The following VPS8 variants were observed in gnomAD, a reference collection of about 807,000 sequenced individuals.
VPS8 encodes the protein VPS8 subunit of CORVET complex, also known as vacuolar protein sorting-associated protein 8 homolog.
Under a neutral mutation model 216.4 loss-of-function variants are expected in VPS8, and 129 were observed. The ratio of observed to expected loss-of-function variants is 0.60; its 90% CI spans 0.52 to 0.69. The LOEUF is 0.69. VPS8 is among the 30% of genes least tolerant of loss of function. The pLI is 0.00. For missense variants in VPS8, 1,531 were observed against 1,683.5 expected (o/e 0.91, Z 1.59); for synonymous variants, 571 against 565.4 (o/e 1.01, Z -0.14).
intron 45 of VPS8, among the ~76,000 whole-genome samples, chr3:185,023,139 C>A: frequency 6.6e-6 from 1 of 152,202 alleles, no homozygotes; most frequent in Admixed American, 6.5e-5. Flanking sequence ...TGTTCCCTGG[C>A]AACCACTGAT....
At chr3:184,940,270 TTATATA>T in intron 36 of VPS8, 27 bp downstream of exon 36, 5 of 578,718 alleles carry the variant, frequency 8.6e-6, no homozygotes, top group Non-Finnish European at 1.1e-5. Flanking sequence ...TAGTCTTTCA[TTATATA>T]TATATATATA....
chr3:184,983,197 A>G (rs1488908651), intron 42 of VPS8, 103 bp downstream of exon 42: 20 of 1,022,644 alleles, frequency 2.0e-5, no homozygotes, highest in Admixed American at 3.5e-5. Flanking sequence ...TCTCAAGCAT[A>G]ATGCAGCTAA....
intron 42 of VPS8, among the ~76,000 whole-genome samples, chr3:184,990,622 T>C (rs780614833): frequency 3.8e-4 from 58 of 152,188 alleles, no homozygotes; most frequent in Non-Finnish European, 7.1e-4. Context: ...TCAAATAATT[T>C]GTCTTAGTTT....
intron 3 of VPS8, among the ~76,000 whole-genome samples, chr3:184,827,118 G>C (rs1462745334): frequency 6.6e-6 from 1 of 152,194 alleles, no homozygotes; most frequent in East Asian, 1.9e-4. Context: ...AGACCCAAAA[G>C]TTCCCTGACA....
intron 14 of VPS8, among the ~76,000 whole-genome samples, chr3:184,859,680 A>G (rs955553992): frequency 6.6e-6 from 1 of 152,166 alleles, no homozygotes; most frequent in Non-Finnish European, 1.5e-5. Flanking sequence ...TACTTTAATT[A>G]TAGTCATTGA....
rs1225787531 is a variant in VPS8 at position 184,894,926 on chromosome 3, G to A, written c.2004+1G>A. ...TATCACCAGCCTAGATATTCAGCAGGTGAGTTTATAGACAGTCTACTAACT... is the reference window on the plus strand; with the variant it reads ...TATCACCAGCCTAGATATTCAGCAGATGAGTTTATAGACAGTCTACTAACT... On this transcript the variant is annotated splice_donor_variant, in intron 23 of 47. Coordinates refer to ENST00000625842, the MANE Select transcript of VPS8 (RefSeq NM_001009921.3). LOFTEE classifies it high-confidence loss of function. 3 of 1,597,568 alleles carry A rather than the reference G, an allele frequency of 1.9e-6. No individual in the cohort carries two copies. Among genetic ancestry groups the A allele is most frequent in the Admixed American group, 3.4e-5 (2 of 58,340 alleles).
chr3:184,850,924 G>A (rs1724134959), intron 10 of VPS8, among the ~76,000 whole-genome samples: 1 of 152,216 alleles, frequency 6.6e-6, no homozygotes. Flanking sequence ...AAAGTGGAGA[G>A]AATTTCTTCT....
chr3:185,019,164 C>A (rs1274507316), intron 45 of VPS8, among the ~76,000 whole-genome samples: 2 of 152,150 alleles, frequency 1.3e-5, no homozygotes, highest in African/African-American at 4.8e-5. Flanking sequence ...CTCCCAAGCT[C>A]CCCTTCTTAC....
chr3:184,895,580 C>G (rs1233448329), intron 23 of VPS8, among the ~76,000 whole-genome samples: 2 of 114,070 alleles, frequency 1.8e-5, no homozygotes, highest in Admixed American at 8.8e-5. Context: ...TTATTTTTTC[C>G]TCCTCCTGCT....
At position 184,984,183 on chromosome 3, in the gene VPS8, C is replaced by CAAAAAAAAAAAACAAAAAAA. The variant is rs1453935100; in HGVS notation, c.3585+1100_3585+1101insACAAAAAAAAAAAAAAAAAA. On this transcript the variant is annotated intron_variant, in intron 42 of 47. Transcript: ENST00000625842. The stretch of plus-strand genomic sequence containing the variant: ...TGGGCAACAGAGCGAGACTCCGTCT[C>CAAAAAAAAAAAACAAAAAAA]AAAAAAAAAAACTCTACTTCCCATC... 6.9e-4 allele frequency among the ~76,000 whole-genome samples: 2 copies of CAAAAAAAAAAAACAAAAAAA among 2,878 alleles called. 1 individual carries two copies. Among genetic ancestry groups the CAAAAAAAAAAAACAAAAAAA allele is most frequent in the Non-Finnish European group, 9.9e-4 (2 of 2,014 alleles). The allele number at this position is 2,878 out of a possible 152,430, so 1.9% of individuals were successfully genotyped here.
chr3:184,911,794 C>T (rs961715402), intron 25 of VPS8, among the ~76,000 whole-genome samples: 1 of 152,188 alleles, frequency 6.6e-6, no homozygotes, highest in Admixed American at 6.5e-5. Context: ...TTACCCACCC[C>T]TCTTTCCTCA....
intron 38 of VPS8, among the ~76,000 whole-genome samples, chr3:184,966,396 A>G (rs1173394811): frequency 1.3e-5 from 2 of 152,170 alleles, no homozygotes; most frequent in Non-Finnish European, 2.9e-5. Flanking sequence ...ATATCACCCA[A>G]TATGAATTGG....
chr3:185,029,863 C>G (rs1027920375), intron 46 of VPS8, among the ~76,000 whole-genome samples: 1 of 152,162 alleles, frequency 6.6e-6, no homozygotes, highest in Non-Finnish European at 1.5e-5. Flanking sequence ...CACGCCCTGC[C>G]CACAACACGT....
chr3:184,921,983 T>C (rs1431213895), intron 29 of VPS8, among the ~76,000 whole-genome samples: 1 of 152,236 alleles, frequency 6.6e-6, no homozygotes, highest in Non-Finnish European at 1.5e-5. Context: ...ATTCTGGTCC[T>C]GACTAGGTCT....
chr3:184,876,122 C>G (rs1578023248), intron 21 of VPS8, among the ~76,000 whole-genome samples: 1 of 152,076 alleles, frequency 6.6e-6, no homozygotes, highest in East Asian at 1.9e-4. Flanking sequence ...CACATGAAGA[C>G]TTCTTGAAAT....
intron 22 of VPS8, 28 bp downstream of exon 22, chr3:184,886,184 A>AT (rs1248518452): frequency 6.3e-7 from 1 of 1,593,710 alleles, no homozygotes; most frequent in Non-Finnish European, 8.6e-7. Flanking sequence ...GTCACATTCA[A>AT]TTATTTTGAA....
chr3:185,011,098 T>A (rs1754954524), intron 45 of VPS8, among the ~76,000 whole-genome samples: 1 of 127,306 alleles, frequency 7.9e-6, no homozygotes, highest in Admixed American at 9.2e-5. Context: ...TAAAAAAAAG[T>A]AGGGACACAG....
chr3:184,899,830 T>C (rs1734163079), intron 24 of VPS8, among the ~76,000 whole-genome samples: 2 of 152,224 alleles, frequency 1.3e-5, no homozygotes, highest in South Asian at 4.1e-4. Context: ...TCTGTTAACG[T>C]TGCTTTTGAA....
At chr3:184,926,732 T>C in intron 31 of VPS8, 82 bp downstream of exon 31, 6 of 1,345,928 alleles carry the variant, frequency 4.5e-6, no homozygotes, top group Non-Finnish European at 6.1e-6. Context: ...TAGACCTCAC[T>C]ACACATGAGG....
Sources: allele counts gnomAD v4.1 joint callset (sites outside exome capture counted in the v4.1 genomes callset), GRCh38; gene constraint gnomAD v4.1.1; transcripts MANE v1.5; gene names NCBI Gene and HGNC (gene_info 2026-07-23, HGNC 2026-07-21).